KCNT2: variants seen among roughly 807,000 people sequenced by gnomAD.
KCNT2 encodes potassium channel subfamily T member 2.
In KCNT2, 67 loss-of-function variants were observed where a neutral mutation model predicts 153.8. That is an observed-to-expected ratio of 0.44 (90% CI 0.36 to 0.53). The LOEUF (loss-of-function observed/expected upper bound fraction) is 0.53, where lower values mean the gene tolerates loss of function less well. KCNT2 is among the 20% of genes least tolerant of loss of function. The pLI, the probability that KCNT2 is intolerant of heterozygous loss-of-function variation, is 0.00. For synonymous variants in KCNT2, 500 were observed against 458.8 expected, an observed-to-expected ratio of 1.09 and a Z score of -1.15; for missense variants, 975 against 1,354.8, an observed-to-expected ratio of 0.72 and a Z score of 4.40.
chr1:196,308,281 G>A (rs1661829681), intron 21 of KCNT2, among the ~76,000 whole-genome samples: 1 of 151,890 alleles, frequency 6.6e-6, no homozygotes, highest in East Asian at 1.9e-4. Context: ...ACCCTCTTGT[G>A]TTTCCATCTG....
intron 20 of KCNT2, among the ~76,000 whole-genome samples, chr1:196,318,204 T>C (rs1444946227): frequency 6.6e-6 from 1 of 151,678 alleles, no homozygotes; most frequent in Non-Finnish European, 1.5e-5. Context: ...CTAAGACCCC[T>C]TTTTGCAAGG....
chr1:196,249,479 A>G (rs942102308), intron 26 of KCNT2, among the ~76,000 whole-genome samples: 2 of 152,192 alleles, frequency 1.3e-5, no homozygotes, highest in African/African-American at 4.8e-5. Flanking sequence ...AAATCAACAT[A>G]CAAAAATCAA....
chr1:196,382,170 C>T (rs1438871464), intron 13 of KCNT2, among the ~76,000 whole-genome samples: 1 of 151,744 alleles, frequency 6.6e-6, no homozygotes, highest in East Asian at 1.9e-4. Flanking sequence ...GCGAGCGCGG[C>T]TCACTGCAAG....
chr1:196,482,420 A>G (rs1679088668), intron 3 of KCNT2, 41 bp from the exon 4 acceptor site: 2 of 1,103,354 alleles, frequency 1.8e-6, no homozygotes, highest in Admixed American at 2.6e-5. Flanking sequence ...TTAAAATATG[A>G]AAAATCTATT....
intron 14 of KCNT2, among the ~76,000 whole-genome samples, chr1:196,347,183 C>A (rs1463557941): frequency 6.6e-6 from 1 of 152,038 alleles, no homozygotes; most frequent in Admixed American, 6.6e-5. Context: ...ATATTAAATG[C>A]CAAGTTTTTG....
chr1:196,428,052 C>A, intron 10 of KCNT2, 53 bp downstream of exon 10: 3 of 1,385,354 alleles, frequency 2.2e-6, no homozygotes, highest in Non-Finnish European at 3.0e-6. Flanking sequence ...TTGACTTTGA[C>A]AATATGTTAG....
intron 14 of KCNT2, among the ~76,000 whole-genome samples, chr1:196,361,611 T>G (rs941000967): frequency 6.6e-6 from 1 of 152,016 alleles, no homozygotes; most frequent in Admixed American, 6.6e-5. Flanking sequence ...GAATGAGTCA[T>G]GGACCCATTG....
Position 196,226,531 on chromosome 1 carries a change from G to T in KCNT2, c.*1693C>A, listed in dbSNP as rs1653504397. The T allele has an allele frequency of 6.6e-6, 1 of 151,764 alleles. No individual in the cohort carries two copies. Among genetic ancestry groups the T allele is most frequent in the Admixed American group, 6.6e-5 (1 of 15,250 alleles). 9.4% of individuals were successfully genotyped at this position (151,764 alleles called of 1,614,324 possible). On this transcript the variant is annotated 3_prime_UTR_variant, in exon 28 of 28. Transcript: ENST00000294725. ...CTGATCAAAGTAGATTAAATACAGG[G>T]TCTCTGTTTTAGGGGTAATTCTTGG... is the stretch of plus-strand genomic sequence containing the variant.
intron 26 of KCNT2, among the ~76,000 whole-genome samples, chr1:196,249,434 A>G (rs1428473996): frequency 1.3e-5 from 2 of 152,170 alleles, no homozygotes; most frequent in African/African-American, 4.8e-5. Flanking sequence ...GAGTATTAGA[A>G]CTGATAAACA....
intron 1 of KCNT2, among the ~76,000 whole-genome samples, chr1:196,522,927 G>A (rs1653651851): frequency 6.6e-6 from 1 of 152,196 alleles, no homozygotes; most frequent in Non-Finnish European, 1.5e-5. Flanking sequence ...ATGTGGGCAG[G>A]GACAAATAAA....
At chr1:196,478,587 T>C (rs534844571) in intron 5 of KCNT2, among the ~76,000 whole-genome samples, 1 of 152,268 alleles carries the variant, frequency 6.6e-6, no homozygotes, top group African/African-American at 2.4e-5. Context: ...CATTCCATGA[T>C]ATGAGCTCTC....
At chr1:196,432,325 A>G (rs576595945) in intron 8 of KCNT2, among the ~76,000 whole-genome samples, 8 of 152,252 alleles carry the variant, frequency 5.3e-5, no homozygotes, top group Non-Finnish European at 7.4e-5. Context: ...AGAGTCCCCA[A>G]CTAGAGCAAT....
intron 1 of KCNT2, among the ~76,000 whole-genome samples, chr1:196,603,277 A>G (rs1346713916): frequency 6.6e-6 from 1 of 152,202 alleles, no homozygotes; most frequent in African/African-American, 2.4e-5. Context: ...TCGATTAAAG[A>G]GTAAAAATAA....
intron 16 of KCNT2, among the ~76,000 whole-genome samples, chr1:196,340,132 A>G (rs2148150520): frequency 6.6e-6 from 1 of 152,118 alleles, no homozygotes; most frequent in Non-Finnish European, 1.5e-5. Context: ...TTATAGACAT[A>G]TGCCACCACA....
chr1:196,579,187 T>G (rs1273387624), intron 1 of KCNT2, among the ~76,000 whole-genome samples: 2 of 152,108 alleles, frequency 1.3e-5, no homozygotes, highest in Admixed American at 1.3e-4. Context: ...TTTTCCCCCA[T>G]TTTGTATACA....
At position 196,351,853 on chromosome 1, in the gene KCNT2, G is replaced by T. The variant is rs540327196; in HGVS notation, c.1404-9625C>A. 1.1e-3 allele frequency among the ~76,000 whole-genome samples: 169 copies of T among 152,156 alleles called. 1 individual carries two copies. Among genetic ancestry groups the T allele is most frequent in the African/African-American group, 4.0e-3 (164 of 41,506 alleles). On this transcript the variant is annotated intron_variant, in intron 14 of 27. Coordinates refer to ENST00000294725, the MANE Select transcript of KCNT2 (RefSeq NM_198503.5). ...ATTGGCTGTGGGTTTGTCATAGATA[G>T]CTCTTATTATTTTGAGATACATCCC... is the stretch of plus-strand genomic sequence containing the variant.
chr1:196,234,563 A>G (rs1441726831), intron 27 of KCNT2, among the ~76,000 whole-genome samples: 2 of 151,158 alleles, frequency 1.3e-5, no homozygotes, highest in Non-Finnish European at 3.0e-5. Flanking sequence ...TATTCACCCC[A>G]ACCCTAACCC....
At chr1:196,391,517 A>C (rs1288463186) in intron 13 of KCNT2, among the ~76,000 whole-genome samples, 4 of 151,322 alleles carry the variant, frequency 2.6e-5, no homozygotes, top group Non-Finnish European at 4.4e-5. Flanking sequence ...GTGTTTGAAA[A>C]TATACAACTA....
At chr1:196,272,161 G>A (rs1658123988) in intron 25 of KCNT2, among the ~76,000 whole-genome samples, 2 of 151,914 alleles carry the variant, frequency 1.3e-5, no homozygotes, top group Admixed American at 1.3e-4. Context: ...AGTGCTAATT[G>A]GTCAGGCAAA....
Sources: gnomAD v4.1 joint callset for allele counts (sites outside exome capture counted in the v4.1 genomes callset) on GRCh38, gnomAD v4.1.1 for gene constraint, MANE v1.5 for transcripts, NCBI Gene and HGNC (gene_info 2026-07-23, HGNC 2026-07-21) for gene names.